Variants in CWC25 observed in about 807,000 individuals in gnomAD.
CWC25 encodes CWC25 spliceosome associated protein.
Under a neutral mutation model 54.6 loss-of-function variants are expected in CWC25, and 31 were observed. That is an observed-to-expected ratio of 0.57 (90% CI 0.43 to 0.77). The LOEUF is 0.77. Among genes scored for constraint, CWC25 ranks in the 30% least tolerant of loss-of-function variants. The pLI, the probability that CWC25 is intolerant of heterozygous loss-of-function variation, is 0.00. For synonymous variants in CWC25, 151 were observed against 187.0 expected (o/e 0.81, Z 1.57); for missense variants, 453 against 529.3 (o/e 0.86, Z 1.41).
At chr17:38,815,131 T>C (rs777599682) in intron 2 of CWC25, 34 bp from the exon 3 acceptor site, 6 of 1,587,236 alleles carry the variant, frequency 3.8e-6, no homozygotes, top group South Asian at 2.2e-5. Flanking sequence ...ATACAATTTC[T>C]TTAAAAAGCA....
At position 38,815,429 on chromosome 17, in the gene CWC25, C is replaced by T. The variant is rs559057637; in HGVS notation, c.192-332G>A. On this transcript the variant is annotated intron_variant, in intron 2 of 9. Coordinates refer to ENST00000614790, the MANE Select transcript of CWC25 (RefSeq NM_017748.5). ...AACATTAGCCAGGCGTGGTGGCGGA[C>T]GCCTGTAATCCCACCTACTCAGAAG... Among the ~76,000 whole-genome samples, 13 of 152,172 alleles carry T rather than the reference C, an allele frequency of 8.5e-5. No homozygotes were observed. In the East Asian group the frequency reaches 1.9e-3, roughly 23 times the overall value.
rs1181183145 is a variant in CWC25, at chr17:38,802,134, CT to C, written c.1235del (p.Gln412ArgfsTer5). The C allele has an allele frequency of 6.2e-7, 1 of 1,613,690 alleles. No individual in the cohort carries two copies. Among genetic ancestry groups the C allele is most frequent in the African/African-American group, 1.3e-5 (1 of 74,930 alleles). On this transcript the variant is annotated frameshift_variant, in exon 10 of 10. Transcript: ENST00000614790. LOFTEE classifies it high-confidence loss of function. ...DRVKRNIYSL[Q>X]RTSVALEKNF... ...TCTTCTCCAGAGCTACCGAAGTTCT[CT>C]GTAAAGAGTAGATATTCCGCTTCAC... is the stretch of plus-strand genomic sequence containing the variant.
chr17:38,807,471 G>A (rs1307874186), intron 6 of CWC25, among the ~76,000 whole-genome samples: 1 of 140,910 alleles, frequency 7.1e-6, no homozygotes, highest in Admixed American at 7.6e-5. Flanking sequence ...AATCTCCTTC[G>A]GTCAGCCAGG....
chr17:38,821,977 C>T (rs371936459), intron 1 of CWC25, among the ~76,000 whole-genome samples: 12 of 151,918 alleles, frequency 7.9e-5, no homozygotes, highest in African/African-American at 2.9e-4. Context: ...ACCACATTGG[C>T]CAGGCTGGTC....
rs201787034 is a variant in CWC25, at chr17:38,810,444, G to A, written c.626+24C>T. On this transcript the variant is annotated intron_variant, in intron 5 of 9. Coordinates refer to ENST00000614790, the MANE Select transcript of CWC25 (RefSeq NM_017748.5). ...AATGAGCAAGTGAATCAACGAGAAG[G>A]GAGGCCAGTCGCCACATGCTCACCT... 2,709 of 1,522,904 alleles carry A rather than the reference G, an allele frequency of 1.8e-3. 55 individuals carry two copies. In the South Asian group the frequency reaches 0.034, roughly 19 times the overall value. 94.3% of individuals were successfully genotyped at this position (1,522,904 alleles called of 1,614,324 possible). A position where few individuals can be genotyped will look rare whatever the true frequency, so the allele number is the denominator to read the frequency against.
intron 1 of CWC25, among the ~76,000 whole-genome samples, chr17:38,822,364 G>C (rs1472103406): frequency 1.3e-5 from 2 of 152,010 alleles, no homozygotes; most frequent in Non-Finnish European, 2.9e-5. Flanking sequence ...TGCCTGGCAT[G>C]GACATTCATT....
chr17:38,806,212 G>A, intron 8 of CWC25, 85 bp downstream of exon 8: 1 of 1,192,342 alleles, frequency 8.4e-7, no homozygotes, highest in Non-Finnish European at 1.2e-6. Flanking sequence ...AAAAGGTAAT[G>A]ATGGATTATC....
intron 2 of CWC25, among the ~76,000 whole-genome samples, chr17:38,818,316 G>A (rs1038369953): frequency 6.6e-6 from 1 of 150,872 alleles, no homozygotes; most frequent in African/African-American, 2.4e-5. Context: ...AAAACCAGCC[G>A]GGCACTGTGG....
chr17:38,819,873 T>C (rs1273741533), intron 2 of CWC25, among the ~76,000 whole-genome samples: 1 of 152,082 alleles, frequency 6.6e-6, no homozygotes, highest in East Asian at 1.9e-4. Context: ...GGTTTTACCA[T>C]GTTGGTCAGG....
chr17:38,810,010 A>C (rs55982294), intron 5 of CWC25, among the ~76,000 whole-genome samples: 6,495 of 151,856 alleles, frequency 0.043, 258 homozygotes, highest in African/African-American at 0.11. Flanking sequence ...TTCTCCTCTC[A>C]CTTCATGCTG....
In CWC25 at chr17:38,825,063, A is replaced by G. The variant is rs1183551189; in HGVS notation, c.18+103T>C. 5 of 1,117,316 alleles carry G rather than the reference A, an allele frequency of 4.5e-6. No individual in the cohort carries two copies. The East Asian group carries it at 1.5e-4, about 33-fold the overall frequency. 69.2% of individuals were successfully genotyped at this position (1,117,316 alleles called of 1,614,324 possible). A position where few individuals can be genotyped will look rare whatever the true frequency, so the allele number is the denominator to read the frequency against. On this transcript the variant is annotated intron_variant, in intron 1 of 9. Coordinates refer to ENST00000614790, the MANE Select transcript of CWC25 (RefSeq NM_017748.5). ...GCAACGGCCTCCTCCCGGCGAAAGCAAAGCTGCGTTGCCATGGTTATCCAC... is the reference window on the plus strand; with the variant it reads ...GCAACGGCCTCCTCCCGGCGAAAGCGAAGCTGCGTTGCCATGGTTATCCAC...
rs1222013297 is a variant in CWC25 at position 38,801,811 on chromosome 17, C to T, written c.*281G>A. On this transcript the variant is annotated 3_prime_UTR_variant, in exon 10 of 10. Transcript: ENST00000614790. ...AGTGGCATGATAAACATCACAACCC[C>T]AGGGAACAGCCTTCCAGAGTGGCAC... 1.3e-5 allele frequency: 4 copies of T among 309,994 alleles called. No individual in the cohort carries two copies. Among genetic ancestry groups the T allele is most frequent in the South Asian group, 1.7e-4 (2 of 12,006 alleles). 19.2% of individuals were successfully genotyped at this position (309,994 alleles called of 1,614,324 possible).
At chr17:38,815,785 C>T in intron 2 of CWC25, 1 of 805,700 alleles carries the variant, frequency 1.2e-6, no homozygotes, top group South Asian at 1.7e-5. Flanking sequence ...ATCTTACCAT[C>T]AAGAACAATT....
At chr17:38,824,678 G>A (rs140204409) in intron 1 of CWC25, among the ~76,000 whole-genome samples, 2 of 146,644 alleles carry the variant, frequency 1.4e-5, no homozygotes, top group African/African-American at 5.0e-5. Context: ...AAGAAACTCC[G>A]TCTCAAAAAA....
rs749081021 is a variant in CWC25 at position 38,806,766 on chromosome 17, G to A, written c.901C>T (p.Leu301=). Residue 301 remains leucine, a splice_region_variant and synonymous_variant, in exon 7 of 10, where the codon CTG becomes TTG. Coordinates refer to ENST00000614790, the MANE Select transcript of CWC25 (RefSeq NM_017748.5). ...RRSRSPRPSK[L]HNSKVNRRET... The stretch of plus-strand genomic sequence containing the variant: ...TTTCCCAGTGAATCCCACACTCACA[G>A]TTTGCTGGGTCTTGGGGACCGTGAC... 1.0e-5 allele frequency: 16 copies of A among 1,574,968 alleles called. No individual in the cohort carries two copies. Among genetic ancestry groups the A allele is most frequent in the East Asian group, 4.5e-5 (2 of 44,376 alleles).
intron 5 of CWC25, 125 bp downstream of exon 5, chr17:38,810,343 T>G: frequency 2.0e-6 from 2 of 993,110 alleles, no homozygotes; most frequent in Non-Finnish European, 2.9e-6. Context: ...CATGTTCAAG[T>G]GTTCATCACT....
chr17:38,822,441 C>T (rs1911962192), intron 1 of CWC25, among the ~76,000 whole-genome samples: 1 of 152,118 alleles, frequency 6.6e-6, no homozygotes, highest in African/African-American at 2.4e-5. Flanking sequence ...GTTTACAACC[C>T]ACCCAGAATC....
chr17:38,821,902 T>C (rs1911941169), intron 1 of CWC25, among the ~76,000 whole-genome samples: 1 of 151,850 alleles, frequency 6.6e-6, no homozygotes, highest in Non-Finnish European at 1.5e-5. Context: ...CCTGAGTAGC[T>C]GGACTATAGG....
chr17:38,824,308 A>C (rs1912051139), intron 1 of CWC25, among the ~76,000 whole-genome samples: 1 of 152,194 alleles, frequency 6.6e-6, no homozygotes, highest in South Asian at 2.1e-4. Context: ...ATTCAAAAGC[A>C]AGCTCTGCCA....
Sources: allele counts gnomAD v4.1 joint callset (sites outside exome capture counted in the v4.1 genomes callset), GRCh38; gene constraint gnomAD v4.1.1; transcripts MANE v1.5; gene names NCBI Gene and HGNC (gene_info 2026-07-23, HGNC 2026-07-21).